C1orf21: variants seen among roughly 807,000 people sequenced by gnomAD.
The protein encoded by C1orf21 is uncharacterized protein C1orf21.
Under a neutral mutation model 18.7 loss-of-function variants are expected in C1orf21, and 3 were observed. That is an observed-to-expected ratio of 0.16 (90% CI 0.07 to 0.42). C1orf21 has a LOEUF of 0.42. Ranked by LOEUF, C1orf21 falls within the 10% of genes least tolerant of loss-of-function variation. C1orf21 has a pLI of 0.99. For missense variants in C1orf21, 104 were observed against 143.6 expected (o/e 0.72, Z 1.41); for synonymous variants, 41 against 46.4 (o/e 0.88, Z 0.47).
At chr1:184,586,371 C>T (rs1352805761) in intron 3 of C1orf21, among the ~76,000 whole-genome samples, 20 of 151,372 alleles carry the variant, frequency 1.3e-4, no homozygotes, top group Admixed American at 1.3e-3. Context: ...CAGGCTCCGC[C>T]CCCTGGGGTT....
intron 1 of C1orf21, among the ~76,000 whole-genome samples, chr1:184,406,370 G>T (rs1042952432): frequency 1.3e-5 from 2 of 152,156 alleles, no homozygotes; most frequent in African/African-American, 4.8e-5. Context: ...TAGACTGAGG[G>T]TGAGGGAGTA....
chr1:184,548,245 A>ACACACT (rs1658755338), intron 3 of C1orf21, among the ~76,000 whole-genome samples: 2 of 149,282 alleles, frequency 1.3e-5, no homozygotes, highest in East Asian at 3.9e-4. Flanking sequence ...ACACACACAC[A>ACACACT]CACACACACA....
At chr1:184,411,562 C>G (rs959668315) in intron 1 of C1orf21, among the ~76,000 whole-genome samples, 4 of 151,866 alleles carry the variant, frequency 2.6e-5, no homozygotes, top group African/African-American at 7.3e-5. Flanking sequence ...GCTGGGACTA[C>G]AGGCGCCCGC....
rs10228 is a variant in C1orf21, at chr1:184,619,935, T to C, written c.*379T>C. On this transcript the variant is annotated 3_prime_UTR_variant, in exon 6 of 6. Transcript: ENST00000235307. Reference sequence around the variant, plus strand: ...GTGGTGAACTCAGATAACAAACTTCTCTTCTAAACTGGTTCTGCTTCTAAG... The same window carrying C: ...GTGGTGAACTCAGATAACAAACTTCCCTTCTAAACTGGTTCTGCTTCTAAG... The C allele has an allele frequency of 1.6e-5, 3 of 183,048 alleles. No homozygotes were observed. Among genetic ancestry groups the C allele is most frequent in the Non-Finnish European group, 2.2e-5 (2 of 89,478 alleles). 11.3% of individuals were successfully genotyped at this position (183,048 alleles called of 1,614,324 possible). A position where few individuals can be genotyped will look rare whatever the true frequency, so the allele number is the denominator to read the frequency against.
intron 1 of C1orf21, among the ~76,000 whole-genome samples, chr1:184,453,491 A>C (rs865904507): frequency 5.3e-5 from 8 of 152,220 alleles, no homozygotes; most frequent in African/African-American, 1.9e-4. Flanking sequence ...ATTTTCCTAA[A>C]GGAAGCTACT....
chr1:184,582,018 G>T lies in C1orf21; in HGVS notation c.190-8721G>T, dbSNP rs577187881. On this transcript the variant is annotated intron_variant, in intron 3 of 5. Transcript: ENST00000235307. ...ATGGAAGTATTGACTTCAGGTAATT[G>T]TATTGATACTGGTGGCTTGAGTTAA... Among the ~76,000 whole-genome samples, 3 of 152,338 alleles carry T rather than the reference G, an allele frequency of 2.0e-5. No individual in the cohort carries two copies. The South Asian group carries it at 6.2e-4, about 32-fold the overall frequency.
intron 4 of C1orf21, among the ~76,000 whole-genome samples, chr1:184,594,915 CTT>C (rs1659492535): frequency 6.6e-6 from 1 of 152,142 alleles, no homozygotes; most frequent in African/African-American, 2.4e-5. Flanking sequence ...AGCCCCATAT[CTT>C]TTAGCTCTAA....
chr1:184,548,835 T>C (rs953670588), intron 3 of C1orf21, among the ~76,000 whole-genome samples: 3 of 152,126 alleles, frequency 2.0e-5, no homozygotes, highest in Non-Finnish European at 4.4e-5. Flanking sequence ...AAAGTCACGG[T>C]TGTTTTCATA....
At position 184,387,327 on chromosome 1, in the gene C1orf21, G is replaced by C. The variant is rs1440590081; in HGVS notation, c.-166G>C. The C allele has an allele frequency of 6.9e-6, 1 of 144,962 alleles. No individual in the cohort carries two copies. The highest frequency in any genetic ancestry group is 1.5e-5 in the Non-Finnish European group (1 of 65,112). The allele number at this position is 144,962 out of a possible 1,614,324, so 9.0% of individuals were successfully genotyped here. A position where few individuals can be genotyped will look rare whatever the true frequency, so the allele number is the denominator to read the frequency against. Reference sequence around the variant, plus strand: ...AAGACGAGGAGGACAGGGGCGGGGGGCGGGAGGCTTGCCACCTTCAGCCCC... The same window carrying C: ...AAGACGAGGAGGACAGGGGCGGGGGCCGGGAGGCTTGCCACCTTCAGCCCC... On this transcript the variant is annotated 5_prime_UTR_variant, in exon 1 of 6. Transcript: ENST00000235307. This position sits in a 1 kb window ranked among gnomAD's most constrained non-coding sequence, Gnocchi z 5.6.
intron 1 of C1orf21, among the ~76,000 whole-genome samples, chr1:184,417,955 A>G (rs189135175): frequency 2.0e-4 from 30 of 152,282 alleles, no homozygotes; most frequent in Middle Eastern, 3.4e-3. Flanking sequence ...CTCTCCTTTC[A>G]ATGTCTTTGG....
chr1:184,526,485 G>A (rs915786892), intron 3 of C1orf21, among the ~76,000 whole-genome samples: 1 of 152,098 alleles, frequency 6.6e-6, no homozygotes, highest in Non-Finnish European at 1.5e-5. Context: ...CTTAGCTTGG[G>A]TAGAACTTGG....
intron 3 of C1orf21, among the ~76,000 whole-genome samples, chr1:184,563,672 T>A (rs1034824120): frequency 6.6e-6 from 1 of 152,248 alleles, no homozygotes; most frequent in Admixed American, 6.5e-5. Flanking sequence ...TGATTTCTTG[T>A]GAAAATATTT....
chr1:184,579,231 TA>T (rs1280277572), intron 3 of C1orf21, among the ~76,000 whole-genome samples: 19 of 149,524 alleles, frequency 1.3e-4, no homozygotes, highest in African/African-American at 4.4e-4. Context: ...TTGGTATTTT[TA>T]GTAGAGATAG....
chr1:184,480,554 T>G (rs536979210), intron 2 of C1orf21, among the ~76,000 whole-genome samples: 1 of 152,312 alleles, frequency 6.6e-6, no homozygotes, highest in Non-Finnish European at 1.5e-5. Context: ...TTGCAGATGT[T>G]AGCATCTGAT....
chr1:184,602,800 G>A (rs1659602295), intron 5 of C1orf21, among the ~76,000 whole-genome samples: 1 of 152,180 alleles, frequency 6.6e-6, no homozygotes, highest in African/African-American at 2.4e-5. Context: ...TGCAATAATA[G>A]TATCTTCTAC....
chr1:184,533,059 A>C (rs1658491368), intron 3 of C1orf21, among the ~76,000 whole-genome samples: 1 of 152,024 alleles, frequency 6.6e-6, no homozygotes, highest in South Asian at 2.1e-4. Context: ...TCCCCAGTAT[A>C]AAGCCCTTCC....
At chr1:184,433,615 G>C (rs1656809532) in intron 1 of C1orf21, among the ~76,000 whole-genome samples, 1 of 152,024 alleles carries the variant, frequency 6.6e-6, no homozygotes, top group Non-Finnish European at 1.5e-5. Context: ...AAATTTTTTA[G>C]TTGTCACATT....
intron 3 of C1orf21, among the ~76,000 whole-genome samples, chr1:184,561,841 G>A (rs1364809625): frequency 1.3e-5 from 2 of 151,926 alleles, no homozygotes; most frequent in African/African-American, 4.8e-5. Flanking sequence ...TAGTCTCTTG[G>A]CCAGGCTGGT....
intron 3 of C1orf21, among the ~76,000 whole-genome samples, chr1:184,508,331 T>G (rs1658096396): frequency 6.6e-6 from 1 of 152,216 alleles, no homozygotes. Flanking sequence ...GATGATTTCT[T>G]AAAAGCAGTT....
Sources: gnomAD v4.1 joint callset for allele counts (sites outside exome capture counted in the v4.1 genomes callset) on GRCh38, gnomAD v4.1.1 for gene constraint, Gnocchi (gnomAD v3.1) non-coding constraint, MANE v1.5 for transcripts, NCBI Gene and HGNC (gene_info 2026-07-23, HGNC 2026-07-21) for gene names.